KRTAP4-16: variants seen among roughly 807,000 people sequenced by gnomAD.
The protein encoded by KRTAP4-16 is keratin associated protein 4-16, also known as keratin-associated protein 4-16.
For missense variants in KRTAP4-16, 378 were observed against 233.5 expected, an observed-to-expected ratio of 1.62 and a Z score of -4.03; for synonymous variants, 140 against 88.8, an observed-to-expected ratio of 1.58 and a Z score of -3.24.
At chr17:41,101,718 A>C in exon 1 of KRTAP4-16, 5 of 857,914 alleles carry the variant, frequency 5.8e-6, no homozygotes, top group Non-Finnish European at 6.5e-6. Context: ...AGGGGAGGGG[A>C]AGGGGAGGGG....
At chr17:41,101,848 G>T in the KRTAP4-16 span, 6 of 1,603,762 alleles carry the variant, frequency 3.7e-6, no homozygotes, top group Non-Finnish European at 5.1e-6. Flanking sequence ...GCAGCAGCTC[G>T]ATTCACAGCA....
chr17:41,102,116 T>A, exon 1 of KRTAP4-16: 1 of 1,571,004 alleles, frequency 6.4e-7, no homozygotes, highest in Non-Finnish European at 8.8e-7. Flanking sequence ...CTGCAGCAGG[T>A]GGTCTGACAA....
chr17:41,101,950 C>A, exon 1 of KRTAP4-16: 1 of 1,604,180 alleles, frequency 6.2e-7, no homozygotes, highest in Non-Finnish European at 8.5e-7. Context: ...TCTGCAGCAG[C>A]TGGACACACA....
chr17:41,101,821 A>G (rs1011403497), exon 1 of KRTAP4-16: 2 of 1,586,400 alleles, frequency 1.3e-6, no homozygotes, highest in Admixed American at 1.8e-5. Flanking sequence ...GACTGGACGC[A>G]GGCAGCAGCA....
exon 1 of KRTAP4-16, chr17:41,101,811 G>C: frequency 6.3e-7 from 1 of 1,578,880 alleles, no homozygotes; most frequent in South Asian, 1.1e-5. Flanking sequence ...CTCGACCACA[G>C]ACTGGACGCA....
chr17:41,102,003 A>G, exon 1 of KRTAP4-16: 1 of 1,595,134 alleles, frequency 6.3e-7, no homozygotes, highest in Non-Finnish European at 8.5e-7. Context: ...AGGTGGTCTG[A>G]CAGCAGCTGG....
At chr17:41,102,099 G>C in exon 1 of KRTAP4-16, 1 of 1,584,800 alleles carries the variant, frequency 6.3e-7, no homozygotes. Flanking sequence ...GGGAGCAGGA[G>C]GTGGTTCTGC....
exon 1 of KRTAP4-16, chr17:41,101,750 G>A (rs768110854): frequency 3.4e-5 from 48 of 1,432,808 alleles, no homozygotes; most frequent in Non-Finnish European, 4.5e-5. Context: ...AAGGGGTGGG[G>A]GCAGGTGGAG....
At chr17:41,101,950 C>G in exon 1 of KRTAP4-16, 1 of 1,604,180 alleles carries the variant, frequency 6.2e-7, no homozygotes. Flanking sequence ...TCTGCAGCAG[C>G]TGGACACACA....
At chr17:41,101,838 G>A (rs762694981) in exon 1 of KRTAP4-16, 26 of 1,597,080 alleles carry the variant, frequency 1.6e-5, no homozygotes, top group Admixed American at 1.8e-5. Flanking sequence ...AGCAGGGGCA[G>A]CAGCAGCTCG....
chr17:41,102,137 G>A, exon 1 of KRTAP4-16: 1 of 1,535,254 alleles, frequency 6.5e-7, no homozygotes, highest in Non-Finnish European at 9.0e-7. Flanking sequence ...CAGCTGGGGT[G>A]ACAGCAGTTG....
exon 1 of KRTAP4-16, chr17:41,101,908 G>C: frequency 6.2e-7 from 1 of 1,611,102 alleles, no homozygotes; most frequent in Non-Finnish European, 8.5e-7. Flanking sequence ...GCAGCAGGTG[G>C]GCTGGAAGCA....
At chr17:41,101,523 A>G in exon 1 of KRTAP4-16, 2 of 422,558 alleles carry the variant, frequency 4.7e-6, no homozygotes, top group Non-Finnish European at 8.6e-6. Context: ...TGCTCTTGGG[A>G]TTAACACTGG....
At chr17:41,101,915 A>G (rs769465843) in exon 1 of KRTAP4-16, 2 of 1,611,098 alleles carry the variant, frequency 1.2e-6, no homozygotes, top group East Asian at 2.2e-5. Flanking sequence ...GTGGGCTGGA[A>G]GCACACGGAA....
At chr17:41,101,573 G>C (rs1412624947) in exon 1 of KRTAP4-16, 2 of 354,066 alleles carry the variant, frequency 5.6e-6, no homozygotes, top group Non-Finnish European at 9.7e-6. Flanking sequence ...GGGAGGGGAG[G>C]GGAAAGTGAA....
chr17:41,102,043 G>A (rs2013996859), exon 1 of KRTAP4-16: 2 of 1,604,464 alleles, frequency 1.2e-6, no homozygotes, highest in Admixed American at 3.4e-5. Flanking sequence ...GCAGCACACG[G>A]AATGGCAGCA....
chr17:41,101,752 C>A (rs772831098), exon 1 of KRTAP4-16: 1 of 1,437,216 alleles, frequency 7.0e-7, no homozygotes, highest in Non-Finnish European at 9.5e-7. Context: ...GGGGTGGGGG[C>A]AGGTGGAGAT....
exon 1 of KRTAP4-16, chr17:41,101,813 C>T: frequency 1.3e-6 from 2 of 1,580,170 alleles, no homozygotes; most frequent in South Asian, 2.3e-5. Context: ...CGACCACAGA[C>T]TGGACGCAGG....
chr17:41,101,658 G>T, exon 1 of KRTAP4-16: 2 of 562,920 alleles, frequency 3.6e-6, no homozygotes, highest in South Asian at 3.6e-5. Context: ...GGGGAGGGGA[G>T]GGGAGGGCAA....
Sources: gnomAD v4.1 joint callset for allele counts on GRCh38, gnomAD v4.1.1 for gene constraint, MANE v1.5 for transcripts, NCBI Gene and HGNC (gene_info 2026-07-23, HGNC 2026-07-21) for gene names.